The following DIP2B variants were observed in gnomAD, a reference collection of about 807,000 sequenced individuals.
DIP2B encodes the protein disco-interacting protein 2 homolog B.
A neutral mutation model predicts 198.0 loss-of-function variants in DIP2B; 76 were observed. That is an observed-to-expected ratio of 0.38 (90% CI 0.32 to 0.46). DIP2B has a LOEUF of 0.46. DIP2B is among the 20% of genes least tolerant of loss of function. The pLI, the probability that DIP2B is intolerant of heterozygous loss-of-function variation, is 0.99. For synonymous variants in DIP2B, 701 were observed against 739.1 expected (o/e 0.95, Z 0.84); for missense variants, 1,559 against 1,978.4 (o/e 0.79, Z 4.02).
At chr12:50,656,280 T>C (rs1938552806) in intron 3 of DIP2B, among the ~76,000 whole-genome samples, 1 of 152,198 alleles carries the variant, frequency 6.6e-6, no homozygotes, top group Admixed American at 6.5e-5. Context: ...CTAAATACCA[T>C]TCATTCTTCA....
At chr12:50,741,342 GTGC>G (rs984953692) in intron 36 of DIP2B, 71 bp from the exon 37 acceptor site, 30 of 1,549,356 alleles carry the variant, frequency 1.9e-5, no homozygotes, top group South Asian at 2.4e-5. Flanking sequence ...TCTGACCCCT[GTGC>G]TGTGGACTCC....
intron 1 of DIP2B, among the ~76,000 whole-genome samples, chr12:50,538,116 T>C (rs938821422): frequency 2.4e-4 from 37 of 152,202 alleles, no homozygotes; most frequent in Admixed American, 1.4e-3. Flanking sequence ...GAAAAGCTTG[T>C]GTTGGTGTGG....
chr12:50,531,541 A>G (rs927767514), intron 1 of DIP2B, among the ~76,000 whole-genome samples: 2 of 152,136 alleles, frequency 1.3e-5, no homozygotes, highest in African/African-American at 4.8e-5. Context: ...GAGAAAATGC[A>G]ATTGAGATTA....
intron 3 of DIP2B, among the ~76,000 whole-genome samples, chr12:50,655,253 CAA>C (rs1469034875): frequency 3.3e-5 from 5 of 151,668 alleles, no homozygotes; most frequent in Non-Finnish European, 5.9e-5. Flanking sequence ...AAGCAAAGTG[CAA>C]AAAAATACAA....
Position 50,675,214 on chromosome 12 carries a change from A to G in DIP2B, c.797-115A>G, listed in dbSNP as rs1460564394. 21 of 1,324,586 alleles carry G rather than the reference A, an allele frequency of 1.6e-5. No individual in the cohort carries two copies. The Admixed American group carries it at 5.0e-4, about 31-fold the overall frequency. 82.1% of individuals were successfully genotyped at this position (1,324,586 alleles called of 1,614,324 possible). A position where few individuals can be genotyped will look rare whatever the true frequency, so the allele number is the denominator to read the frequency against. ...TACATATTTGGTCCACTTGAAAGAGAAGGAAACTGGACAAACGCCAAACAT... is the reference window on the plus strand; with the variant it reads ...TACATATTTGGTCCACTTGAAAGAGGAGGAAACTGGACAAACGCCAAACAT... On this transcript the variant is annotated intron_variant, in intron 6 of 37. Transcript: ENST00000301180.
intron 7 of DIP2B, among the ~76,000 whole-genome samples, chr12:50,677,109 C>T (rs374877197): frequency 2.6e-5 from 4 of 152,230 alleles, no homozygotes; most frequent in Non-Finnish European, 1.5e-5. Flanking sequence ...TTCTCCCTTC[C>T]GTGCCTCTTT....
At chr12:50,578,755 G>A (rs781566581) in intron 1 of DIP2B, among the ~76,000 whole-genome samples, 4 of 151,962 alleles carry the variant, frequency 2.6e-5, no homozygotes, top group Non-Finnish European at 4.4e-5. Flanking sequence ...TGATCTGCCC[G>A]CCTCGGCCTC....
intron 22 of DIP2B, among the ~76,000 whole-genome samples, chr12:50,712,217 T>C (rs1409976842): frequency 2.0e-5 from 3 of 152,174 alleles, no homozygotes; most frequent in Admixed American, 6.5e-5. Context: ...TTGACCTTTA[T>C]AACTGTGGGT....
intron 14 of DIP2B, 71 bp downstream of exon 14, chr12:50,693,084 G>C: frequency 7.1e-7 from 1 of 1,417,354 alleles, no homozygotes; most frequent in Non-Finnish European, 9.7e-7. Flanking sequence ...TGTATAACTG[G>C]AGCATCTCTC....
At chr12:50,514,935 C>T (rs1324210307) in intron 1 of DIP2B, among the ~76,000 whole-genome samples, 6 of 151,998 alleles carry the variant, frequency 3.9e-5, no homozygotes, top group African/African-American at 7.3e-5. Flanking sequence ...TAGGATTACA[C>T]GCGTGAGCCA....
Position 50,505,024 on chromosome 12 carries a change from G to GCGGCGGC in DIP2B, c.-117_-116insCGGCGGC, listed in dbSNP as rs60387005. On this transcript the variant is annotated 5_prime_UTR_variant, in exon 1 of 38. It removes the in-frame stop codon of an upstream open reading frame in the 5' UTR. Transcript: ENST00000301180. ...CATGGCGGCGGCGGCGGCGGCGGCG[G>GCGGCGGC]TGCTGGTGGTGCTCGGCGGCCGGAG... 2.9e-5 allele frequency: 31 copies of GCGGCGGC among 1,076,112 alleles called. No individual in the cohort carries two copies. Among genetic ancestry groups the GCGGCGGC allele is most frequent in the Non-Finnish European group, 3.8e-5 (28 of 745,372 alleles). The allele number at this position is 1,076,112 out of a possible 1,614,324, so 66.7% of individuals were successfully genotyped here. A position where few individuals can be genotyped will look rare whatever the true frequency, so the allele number is the denominator to read the frequency against.
In DIP2B at chr12:50,695,905, A is replaced by G; in HGVS notation, c.1871A>G (p.Asp624Gly). 6.2e-7 allele frequency: 1 copy of G among 1,614,134 alleles called. No individual in the cohort carries two copies. Among genetic ancestry groups the G allele is most frequent in the Non-Finnish European group, 8.5e-7 (1 of 1,179,974 alleles). The stretch of plus-strand genomic sequence containing the variant: ...CACTGGGCTATGATGGCACATCGGG[A>G]CCAAAGAGACGTGAGCTTGAGTTCC... ...DLHWAMMAHR[D>G]QRDVSLSSLR... Residue 624 changes from aspartate (D) to glycine (G), a missense_variant, in exon 16 of 38, where the codon GAC (aspartate) becomes GGC (glycine). Asp to Gly is a moderately conservative substitution (Grantham distance 94). Transcript: ENST00000301180.
At chr12:50,571,452 C>T (rs113630762) in intron 1 of DIP2B, among the ~76,000 whole-genome samples, 30 of 151,598 alleles carry the variant, frequency 2.0e-4, no homozygotes, top group African/African-American at 5.6e-4. Context: ...GGATTACAGG[C>T]GTGAGCCACC....
intron 13 of DIP2B, among the ~76,000 whole-genome samples, chr12:50,691,762 A>T (rs1939226983): frequency 6.6e-6 from 1 of 152,144 alleles, no homozygotes; most frequent in South Asian, 2.1e-4. Context: ...ATAAGGATTG[A>T]TTAAGTTATA....
intron 22 of DIP2B, among the ~76,000 whole-genome samples, chr12:50,711,037 A>T (rs1939605593): frequency 6.6e-6 from 1 of 152,234 alleles, no homozygotes; most frequent in Non-Finnish European, 1.5e-5. Context: ...ATTATAGAAA[A>T]GTGAGTATAC....
chr12:50,582,347 A>G (rs1021749353), intron 1 of DIP2B, among the ~76,000 whole-genome samples: 2 of 151,566 alleles, frequency 1.3e-5, no homozygotes, highest in Non-Finnish European at 2.9e-5. Context: ...ACGGGGTTTC[A>G]CCACATTGTC....
chr12:50,591,461 A>G (rs936330096), intron 1 of DIP2B, among the ~76,000 whole-genome samples: 2 of 151,432 alleles, frequency 1.3e-5, no homozygotes, highest in African/African-American at 2.4e-5. Flanking sequence ...AATTTATTTG[A>G]GACATTGTCT....
chr12:50,670,615 C>G (rs2139523319), intron 4 of DIP2B, among the ~76,000 whole-genome samples: 1 of 152,186 alleles, frequency 6.6e-6, no homozygotes, highest in Admixed American at 6.5e-5. Flanking sequence ...TGGGGTTTCA[C>G]CGTGTTGGCC....
In DIP2B at chr12:50,555,007, A is replaced by G. The variant is rs1958457909; in HGVS notation, c.100+49767A>G. Among the ~76,000 whole-genome samples the G allele has an allele frequency of 1.3e-5, 2 of 152,006 alleles. 1 individual carries two copies. Reference sequence around the variant, plus strand: ...TGGTCTCTTGTCTCCTGACCTCATGATCTGCCTGCCTCAACTTCCCAAAGT... The same window carrying G: ...TGGTCTCTTGTCTCCTGACCTCATGGTCTGCCTGCCTCAACTTCCCAAAGT... On this transcript the variant is annotated intron_variant, in intron 1 of 37. Coordinates refer to ENST00000301180, the MANE Select transcript of DIP2B (RefSeq NM_173602.3).
Sources: allele counts gnomAD v4.1 joint callset (sites outside exome capture counted in the v4.1 genomes callset), GRCh38; gene constraint gnomAD v4.1.1; transcripts MANE v1.5; gene names NCBI Gene and HGNC (gene_info 2026-07-23, HGNC 2026-07-21).